Variants in MPP3 observed in about 807,000 individuals in gnomAD.
The protein encoded by MPP3 is MAGUK p55 subfamily member 3.
In MPP3, 48 loss-of-function variants were observed where a neutral mutation model predicts 80.7. That is an observed-to-expected ratio of 0.59 (90% CI 0.47 to 0.76). MPP3 has a LOEUF of 0.76. MPP3 is among the 30% of genes least tolerant of loss of function. The probability of loss-of-function intolerance (pLI) is 0.00; values close to 1 mark genes in which losing one functional copy is unlikely to be tolerated. For synonymous variants in MPP3, 311 were observed against 297.6 expected (o/e 1.04, Z -0.46); for missense variants, 620 against 763.0 (o/e 0.81, Z 2.21).
chr17:43,808,292 C>T (rs1291313101), intron 19 of MPP3, among the ~76,000 whole-genome samples: 1 of 152,132 alleles, frequency 6.6e-6, no homozygotes, highest in African/African-American at 2.4e-5. Context: ...CTTCTGACTG[C>T]CCCCACCACC....
chr17:43,820,319 G>C (rs922094623), intron 11 of MPP3, among the ~76,000 whole-genome samples: 1 of 151,982 alleles, frequency 6.6e-6, no homozygotes, highest in African/African-American at 2.4e-5. Flanking sequence ...CATTAACTTA[G>C]GCTGGATCCA....
chr17:43,810,880 T>C lies in MPP3; in HGVS notation c.1385A>G (p.Tyr462Cys). Residue 462 changes from tyrosine (Y) to cysteine (C), a missense_variant, in exon 18 of 20, where the codon TAT becomes TGT. Physicochemically the swap from Tyr to Cys is radical, Grantham distance 194 (BLOSUM62 -2). Transcript: ENST00000398389. Reference protein sequence around the residue: ...LEHGEYKENLYGTSLEAIQAV... With the variant: ...LEHGEYKENLCGTSLEAIQAV... Reference sequence around the variant, plus strand: ...CTGAATGGCCTCCAGGCTGGTTCCATACAGATTTTCCTTATATTCACCATG... The same window carrying C: ...CTGAATGGCCTCCAGGCTGGTTCCACACAGATTTTCCTTATATTCACCATG... 5 of 1,610,122 alleles carry C rather than the reference T, an allele frequency of 3.1e-6. No homozygotes were observed. Among genetic ancestry groups the C allele is most frequent in the Non-Finnish European group, 4.2e-6 (5 of 1,179,012 alleles).
At chr17:43,822,171 G>A (rs1199048249) in intron 10 of MPP3, among the ~76,000 whole-genome samples, 11 of 152,220 alleles carry the variant, frequency 7.2e-5, no homozygotes, top group Non-Finnish European at 1.2e-4. Flanking sequence ...CACCAGGTAA[G>A]AGGAAATATT....
At chr17:43,825,717 GA>G (rs745508888) in intron 9 of MPP3, 38 bp downstream of exon 9, 23 of 1,389,850 alleles carry the variant, frequency 1.7e-5, no homozygotes, top group Admixed American at 1.3e-4. Context: ...CTGGGTGTCT[GA>G]AGACCCAGCA....
chr17:43,802,745 C>A (rs2044462857), intron 19 of MPP3, among the ~76,000 whole-genome samples: 1 of 152,178 alleles, frequency 6.6e-6, no homozygotes, highest in Admixed American at 6.5e-5. Context: ...TCACTCACTG[C>A]CCTTTTTAGT....
rs533250499 is a variant in MPP3, at chr17:43,828,579, G to T, written c.442-747C>A. On this transcript the variant is annotated intron_variant, in intron 7 of 19. Transcript: ENST00000398389. The stretch of plus-strand genomic sequence containing the variant: ...GGGACAGCATTTAACTCACAGTGTT[G>T]TTGCAAGGATTCCACTCAAGGCACT... Among the ~76,000 whole-genome samples, 6 of 152,338 alleles carry T rather than the reference G, an allele frequency of 3.9e-5. No individual in the cohort carries two copies. The East Asian group carries it at 1.2e-3, about 29-fold the overall frequency.
At chr17:43,821,085 G>C in intron 10 of MPP3, 27 bp from the exon 11 acceptor site, 2 of 1,608,316 alleles carry the variant, frequency 1.2e-6, no homozygotes, top group South Asian at 2.2e-5. Flanking sequence ...CTGGTGAGGC[G>C]GCCCTTCCCC....
Position 43,831,312 on chromosome 17 carries a change from TC to T in MPP3, c.153del (p.Lys52SerfsTer24), listed in dbSNP as rs1567832152. The stretch of plus-strand genomic sequence containing the variant: ...CTTTGCCTTTCATAATAGCGAAGCT[TC>T]TCATGAATCTGCAAAGACAGAGTAT... ...KSLSYLMKIH[E>X]KLRYYERQSP... is the part of the protein sequence containing the mutation. On this transcript the variant is annotated frameshift_variant, in exon 5 of 20. Transcript: ENST00000398389. LOFTEE classifies it high-confidence loss of function. 5 of 1,613,820 alleles carry T rather than the reference TC, an allele frequency of 3.1e-6. No individual in the cohort carries two copies. The Admixed American group carries it at 8.3e-5, about 27-fold the overall frequency.
intron 3 of MPP3, 74 bp from the exon 4 acceptor site, chr17:43,831,751 G>A: frequency 7.0e-7 from 1 of 1,426,312 alleles, no homozygotes; most frequent in Non-Finnish European, 9.7e-7. Flanking sequence ...CCCGAGTGGG[G>A]CCTCAAACAG....
intron 12 of MPP3, chr17:43,817,792 CAT>C (rs1265719175): frequency 8.5e-6 from 4 of 472,014 alleles, no homozygotes; most frequent in Non-Finnish European, 1.5e-5. Context: ...AACACACACA[CAT>C]CTGCACATTT....
At chr17:43,824,115 C>G in intron 9 of MPP3, 110 bp from the exon 10 acceptor site, 1 of 731,094 alleles carries the variant, frequency 1.4e-6, no homozygotes, top group East Asian at 2.9e-5. Flanking sequence ...AGACTTGCAG[C>G]CTCCCCTGAG....
At chr17:43,803,680 G>A (rs1273153779) in intron 19 of MPP3, among the ~76,000 whole-genome samples, 3 of 152,202 alleles carry the variant, frequency 2.0e-5, no homozygotes, top group African/African-American at 7.2e-5. Flanking sequence ...TTCTCCAAAT[G>A]TCATCTGGGG....
Position 43,814,324 on chromosome 17 carries a change from C to T in MPP3, c.1047G>A (p.Glu349=). Reference sequence around the variant, plus strand: ...TTCCTTCCTGCGAGCCACCCAGTCTCTCCCTACAGCCCAGCCGGAAGCTCC... The same window carrying T: ...TTCCTTCCTGCGAGCCACCCAGTCTTTCCCTACAGCCCAGCCGGAAGCTCC... ...LRRSFRLGCR[E]RLGGSQEGKM... is the part of the protein sequence containing the mutation. Residue 349 remains glutamate, a synonymous_variant, in exon 15 of 20, where the codon GAG becomes GAA. Transcript: ENST00000398389. 6.2e-7 allele frequency: 1 copy of T among 1,610,106 alleles called. No individual in the cohort carries two copies. Among genetic ancestry groups the T allele is most frequent in the Non-Finnish European group, 8.5e-7 (1 of 1,179,878 alleles).
intron 19 of MPP3, among the ~76,000 whole-genome samples, 194 bp from the exon 20 acceptor site, chr17:43,802,071 T>TG (rs2154591040): frequency 6.6e-6 from 1 of 152,306 alleles, no homozygotes; most frequent in East Asian, 1.9e-4. Context: ...AGAAAGTTAA[T>TG]GGGCAGTAGA....
Position 43,821,142 on chromosome 17 carries a change from C to T in MPP3, c.685-84G>A, listed in dbSNP as rs906217824. ...TGTCACATCAAAGGCCACATGACAA[C>T]GACCATCCACACTTAGGAGGACCAA... On this transcript the variant is annotated intron_variant, in intron 10 of 19. Transcript: ENST00000398389. The T allele has an allele frequency of 3.8e-5, 51 of 1,328,478 alleles. No individual in the cohort carries two copies. In the Middle Eastern group the frequency reaches 9.6e-4, roughly 25 times the overall value. 82.3% of individuals were successfully genotyped at this position (1,328,478 alleles called of 1,614,324 possible). A position where few individuals can be genotyped will look rare whatever the true frequency, so the allele number is the denominator to read the frequency against.
chr17:43,823,415 C>T (rs941466214), intron 10 of MPP3, among the ~76,000 whole-genome samples: 1 of 152,182 alleles, frequency 6.6e-6, no homozygotes, highest in Non-Finnish European at 1.5e-5. Context: ...CATTCTGTGA[C>T]ACCCTCTAGG....
Position 43,831,556 on chromosome 17 carries a change from C to A in MPP3, c.144+3G>T. 1 of 1,603,780 alleles carries A rather than the reference C, an allele frequency of 6.2e-7. No individual in the cohort carries two copies. The highest frequency in any genetic ancestry group is 1.3e-5 in the African/African-American group (1 of 74,820). On this transcript the variant is annotated splice_donor_region_variant and intron_variant, in intron 4 of 19. Coordinates refer to ENST00000398389, the MANE Select transcript of MPP3 (RefSeq NM_001932.6). The stretch of plus-strand genomic sequence containing the variant: ...TTCCACGCAGGATGACGTGGGACTT[C>A]ACCTTCATTAAGTAACTGAGGCTTT...
rs750214554 is a variant in MPP3 at position 43,831,865 on chromosome 17, C to CG, written c.25+16dup. 9 of 1,598,732 alleles carry CG rather than the reference C, an allele frequency of 5.6e-6. No homozygotes were observed. The highest frequency in any genetic ancestry group is 1.8e-5 in the Admixed American group (1 of 56,468). The stretch of plus-strand genomic sequence containing the variant: ...TCTTCAGGACTGTGGCAGGTCCAGC[C>CG]GGGGGGAGGTACTTACCAGAGTCCT... On this transcript the variant is annotated intron_variant, in intron 3 of 19. Coordinates refer to ENST00000398389, the MANE Select transcript of MPP3 (RefSeq NM_001932.6).
chr17:43,825,615 G>A, intron 9 of MPP3, 141 bp downstream of exon 9: 1 of 642,160 alleles, frequency 1.6e-6, no homozygotes, highest in Non-Finnish European at 2.8e-6. Flanking sequence ...ACACTGTTAG[G>A]GGCACACCAT....
Sources: gnomAD v4.1 joint callset for allele counts (sites outside exome capture counted in the v4.1 genomes callset) on GRCh38, gnomAD v4.1.1 for gene constraint, MANE v1.5 for transcripts, NCBI Gene and HGNC (gene_info 2026-07-23, HGNC 2026-07-21) for gene names.